POLK: variants seen among roughly 807,000 people sequenced by gnomAD.
POLK encodes the protein polymerase (DNA directed) kappa.
Under a neutral mutation model 94.0 loss-of-function variants are expected in POLK, and 76 were observed. The ratio of observed to expected loss-of-function variants is 0.81; its 90% CI spans 0.67 to 0.98. The LOEUF is 0.98. Among genes scored for constraint, POLK ranks in the 50% least tolerant of loss-of-function variants. POLK has a pLI of 0.00. For synonymous variants in POLK, 349 were observed against 325.4 expected (o/e 1.07, Z -0.78); for missense variants, 954 against 1,010.1 (o/e 0.94, Z 0.75).
At chr5:75,531,996 A>G (rs1300503632) in intron 1 of POLK, among the ~76,000 whole-genome samples, 1 of 152,176 alleles carries the variant, frequency 6.6e-6, no homozygotes, top group Admixed American at 6.5e-5. Flanking sequence ...GCTGTCTCAC[A>G]TGGCACCTGG....
chr5:75,581,382 G>T, exon 7 of POLK: 2 of 1,613,374 alleles, frequency 1.2e-6, no homozygotes, highest in Non-Finnish European at 1.7e-6. Flanking sequence ...TGGAACATCA[G>T]CCCAGGAAGT....
At chr5:75,557,850 G>A (rs1464586451) in intron 3 of POLK, among the ~76,000 whole-genome samples, 1 of 152,112 alleles carries the variant, frequency 6.6e-6, no homozygotes, top group Non-Finnish European at 1.5e-5. Context: ...TGCGTAGTGG[G>A]ATGACCTCAG....
At chr5:75,609,688 T>A in the POLK span, 1 of 152,240 alleles carries the variant, frequency 6.6e-6, no homozygotes, top group Non-Finnish European at 1.5e-5. Context: ...CAATTCAACT[T>A]ACCTGCTATT....
intron 1 of POLK, among the ~76,000 whole-genome samples, chr5:75,541,475 A>G (rs1482587725): frequency 1.3e-5 from 2 of 152,184 alleles, no homozygotes; most frequent in East Asian, 3.8e-4. Context: ...TAGAGTATAG[A>G]TTTTTAAATT....
chr5:75,583,326 G>T, exon 8 of POLK: 1 of 1,604,698 alleles, frequency 6.2e-7, no homozygotes, highest in Non-Finnish European at 8.5e-7. Flanking sequence ...GCAAAAGTAT[G>T]CAGTGATAAG....
At chr5:75,540,004 A>G (rs1028537877) in intron 1 of POLK, among the ~76,000 whole-genome samples, 5 of 152,186 alleles carry the variant, frequency 3.3e-5, no homozygotes, top group African/African-American at 1.2e-4. Context: ...GCCATACACT[A>G]TTAGAGCTGT....
chr5:75,574,119 A>G (rs1771742685), intron 5 of POLK, among the ~76,000 whole-genome samples: 1 of 152,116 alleles, frequency 6.6e-6, no homozygotes, highest in South Asian at 2.1e-4. Context: ...CATTTCCTCA[A>G]ACTTTGAACT....
At chr5:75,540,083 A>C (rs967435393) in intron 1 of POLK, among the ~76,000 whole-genome samples, 13 of 152,230 alleles carry the variant, frequency 8.5e-5, no homozygotes, top group Admixed American at 8.5e-4. Flanking sequence ...GAAGAAACTT[A>C]GGAGCAGTTT....
At position 75,583,436 on chromosome 5, in the gene POLK, G is replaced by A; in HGVS notation, c.1059+19G>A. The A allele has an allele frequency of 6.6e-7, 1 of 1,512,840 alleles. No individual in the cohort carries two copies. The highest frequency in any genetic ancestry group is 1.2e-5 in the South Asian group (1 of 86,346). The allele number at this position is 1,512,840 out of a possible 1,614,324, so 93.7% of individuals were successfully genotyped here. A position where few individuals can be genotyped will look rare whatever the true frequency, so the allele number is the denominator to read the frequency against. On this transcript the variant is annotated intron_variant, in intron 8 of 14. Transcript: ENST00000241436. ...TAGAAAGGTAAGATTTTTACATAAAGTTTATTTATATATGTACTCTGAATT... is the reference window on the plus strand; with the variant it reads ...TAGAAAGGTAAGATTTTTACATAAAATTTATTTATATATGTACTCTGAATT...
chr5:75,555,358 A>G (rs1259044615), intron 3 of POLK, among the ~76,000 whole-genome samples: 1 of 151,966 alleles, frequency 6.6e-6, no homozygotes, highest in Non-Finnish European at 1.5e-5. Flanking sequence ...TACTATCTCC[A>G]TAGTTTTCCC....
At chr5:75,596,370 A>G in exon 13 of POLK, 2 of 1,613,702 alleles carry the variant, frequency 1.2e-6, no homozygotes, top group Non-Finnish European at 1.7e-6. Flanking sequence ...TAAAACCTCT[A>G]GAAATGTCTC....
At chr5:75,534,610 A>G (rs1769357053) in intron 1 of POLK, among the ~76,000 whole-genome samples, 1 of 152,166 alleles carries the variant, frequency 6.6e-6, no homozygotes, top group South Asian at 2.1e-4. Flanking sequence ...AAGTTTCTTC[A>G]TAGGTCTCTA....
chr5:75,594,315 A>G (rs1027997366), intron 12 of POLK, among the ~76,000 whole-genome samples: 2 of 152,204 alleles, frequency 1.3e-5, no homozygotes, highest in Admixed American at 6.5e-5. Flanking sequence ...ATACAATCCT[A>G]CTGTAACTCA....
chr5:75,596,244 C>A, exon 13 of POLK: 1 of 1,592,644 alleles, frequency 6.3e-7, no homozygotes, highest in Middle Eastern at 1.7e-4. Flanking sequence ...CTAGTTTTCC[C>A]AATGAAGAGG....
Position 75,572,494 on chromosome 5 carries a change from A to T in POLK, c.409-1244A>T, listed in dbSNP as rs149273939. On this transcript the variant is annotated intron_variant, in intron 4 of 14. Coordinates refer to ENST00000241436, the Ensembl canonical transcript of POLK. ...TTTATATAATGTAACATCTATACTA[A>T]TTGTACTATACTATTATTTTATGAC... 2.1e-3 allele frequency among the ~76,000 whole-genome samples: 314 copies of T among 152,248 alleles called. 1 individual carries two copies. In the East Asian group the frequency reaches 0.027, roughly 13 times the overall value.
At chr5:75,523,987 A>G (rs1416029974) in intron 1 of POLK, among the ~76,000 whole-genome samples, 1 of 152,034 alleles carries the variant, frequency 6.6e-6, no homozygotes, top group Non-Finnish European at 1.5e-5. Context: ...AAAATTAGCC[A>G]GATGTGCTGG....
intron 1 of POLK, among the ~76,000 whole-genome samples, chr5:75,513,531 GA>G (rs1250368913): frequency 6.6e-6 from 1 of 152,124 alleles, no homozygotes; most frequent in Non-Finnish European, 1.5e-5. Flanking sequence ...TTCAGAAATG[GA>G]ATTTCAAAGG....
intron 11 of POLK, among the ~76,000 whole-genome samples, chr5:75,591,460 A>G (rs1296307218): frequency 6.6e-6 from 1 of 152,150 alleles, no homozygotes; most frequent in Admixed American, 6.6e-5. Context: ...AGATTTCCAG[A>G]AAAGTCACAA....
intron 10 of POLK, among the ~76,000 whole-genome samples, chr5:75,588,313 A>G (rs1411502124): frequency 6.6e-6 from 1 of 152,206 alleles, no homozygotes; most frequent in Admixed American, 6.5e-5. Flanking sequence ...TCACAAACTA[A>G]CTAACTTCTC....
Sources: allele counts gnomAD v4.1 joint callset (sites outside exome capture counted in the v4.1 genomes callset), GRCh38; gene constraint gnomAD v4.1.1; transcripts MANE v1.5; gene names NCBI Gene and HGNC (gene_info 2026-07-23, HGNC 2026-07-21).